RGS6: variants seen among roughly 807,000 people sequenced by gnomAD.
RGS6 encodes the protein regulator of G protein signaling 6.
In RGS6, 30 loss-of-function variants were observed where a neutral mutation model predicts 78.5. The observed-to-expected ratio is 0.38, with a 90% confidence interval of 0.29 to 0.52. RGS6 has a LOEUF of 0.52. Ranked by LOEUF, RGS6 falls within the 20% of genes least tolerant of loss-of-function variation. RGS6 has a pLI of 0.85. For synonymous variants in RGS6, 206 were observed against 206.0 expected, an observed-to-expected ratio of 1.00 and a Z score of 0.00; for missense variants, 495 against 609.7, an observed-to-expected ratio of 0.81 and a Z score of 1.98.
intron 2 of RGS6, among the ~76,000 whole-genome samples, chr14:72,329,439 G>A (rs1250598117): frequency 6.6e-6 from 1 of 152,230 alleles, no homozygotes; most frequent in Non-Finnish European, 1.5e-5. Context: ...CTGCTCAGAG[G>A]GAGTGGTTGT....
chr14:72,178,653 G>C (rs998334278), intron 2 of RGS6, among the ~76,000 whole-genome samples: 1 of 152,154 alleles, frequency 6.6e-6, no homozygotes, highest in African/African-American at 2.4e-5. Context: ...TGAAGAAAGG[G>C]AAGGGTTTTG....
At chr14:72,476,182 T>C (rs1245162126) in intron 10 of RGS6, among the ~76,000 whole-genome samples, 1 of 152,198 alleles carries the variant, frequency 6.6e-6, no homozygotes, top group Non-Finnish European at 1.5e-5. Flanking sequence ...GTGGAAAAAC[T>C]TAGGCCAGAA....
chr14:72,311,709 A>G (rs573865346), intron 2 of RGS6, among the ~76,000 whole-genome samples: 1 of 152,194 alleles, frequency 6.6e-6, no homozygotes, highest in African/African-American at 2.4e-5. Flanking sequence ...ACATTCTCAA[A>G]GTGCTCCATT....
chr14:72,499,732 C>T (rs928354103), intron 13 of RGS6, among the ~76,000 whole-genome samples: 7 of 151,976 alleles, frequency 4.6e-5, no homozygotes, highest in Middle Eastern at 3.4e-3. Context: ...CCTCGTTGGC[C>T]ACTTGTCCCC....
chr14:72,405,697 A>C (rs1193855479), intron 3 of RGS6, among the ~76,000 whole-genome samples: 1 of 152,226 alleles, frequency 6.6e-6, no homozygotes, highest in Non-Finnish European at 1.5e-5. Flanking sequence ...AGTTCACTGA[A>C]GCTCCCAACA....
chr14:72,110,518 G>A (rs1422043298), intron 2 of RGS6, among the ~76,000 whole-genome samples: 1 of 152,142 alleles, frequency 6.6e-6, no homozygotes, highest in Non-Finnish European at 1.5e-5. Context: ...TAATGGTCTT[G>A]TAGGAGGGAG....
intron 2 of RGS6, among the ~76,000 whole-genome samples, chr14:72,153,174 A>G (rs997281254): frequency 6.6e-6 from 1 of 152,122 alleles, no homozygotes; most frequent in African/African-American, 2.4e-5. Context: ...GGGAAACCCT[A>G]TACCTCACTG....
chr14:72,609,099 G>A, the RGS6 span, among the ~76,000 whole-genome samples: 1 of 152,198 alleles, frequency 6.6e-6, no homozygotes, highest in African/African-American at 2.4e-5. Context: ...CACTACGTGG[G>A]TAGTCAACAT....
At chr14:72,363,203 G>T (rs1165054481) in intron 3 of RGS6, among the ~76,000 whole-genome samples, 1 of 152,184 alleles carries the variant, frequency 6.6e-6, no homozygotes, top group East Asian at 1.9e-4. Context: ...TGCTCAGATG[G>T]ACTGCCGTCA....
intron 2 of RGS6, among the ~76,000 whole-genome samples, chr14:72,001,977 A>G (rs2083549924): frequency 7.3e-6 from 1 of 136,588 alleles, no homozygotes; most frequent in South Asian, 2.3e-4. Context: ...ATCTCAGCTC[A>G]CTGCAACCTT....
intron 3 of RGS6, among the ~76,000 whole-genome samples, chr14:72,367,880 AATG>A (rs1241673592): frequency 6.6e-6 from 1 of 152,138 alleles, no homozygotes; most frequent in Non-Finnish European, 1.5e-5. Flanking sequence ...GTTTGGATTA[AATG>A]ATATTTGTAG....
At chr14:72,434,923 T>C (rs908180396) in intron 3 of RGS6, among the ~76,000 whole-genome samples, 6 of 152,224 alleles carry the variant, frequency 3.9e-5, no homozygotes, top group Non-Finnish European at 5.9e-5. Context: ...AAAGAGAACA[T>C]AGATTCTTAG....
intron 3 of RGS6, among the ~76,000 whole-genome samples, chr14:72,354,391 T>A (rs2079790605): frequency 6.6e-6 from 1 of 150,608 alleles, no homozygotes; most frequent in African/African-American, 2.5e-5. Context: ...TTTGGGAGGC[T>A]GAGGTGGGTG....
intron 2 of RGS6, among the ~76,000 whole-genome samples, chr14:72,218,225 A>G (rs928148490): frequency 1.3e-5 from 2 of 152,124 alleles, no homozygotes; most frequent in African/African-American, 2.4e-5. Context: ...GTCAAAGGCT[A>G]TGTTCATTTT....
chr14:71,904,572 G>A, the RGS6 span, among the ~76,000 whole-genome samples: 6 of 152,192 alleles, frequency 3.9e-5, no homozygotes, highest in African/African-American at 1.2e-4. Flanking sequence ...ATGTTGTTTG[G>A]GCCTCTGAGT....
intron 3 of RGS6, among the ~76,000 whole-genome samples, chr14:72,440,503 C>G (rs894585785): frequency 6.6e-6 from 1 of 150,712 alleles, no homozygotes; most frequent in African/African-American, 2.4e-5. Context: ...CAGTCTGCCT[C>G]CCGGGTTCAA....
At chr14:72,309,064 A>AT (rs2152450137) in intron 2 of RGS6, among the ~76,000 whole-genome samples, 1 of 152,172 alleles carries the variant, frequency 6.6e-6, no homozygotes, top group African/African-American at 2.4e-5. Flanking sequence ...TTAAATTCCT[A>AT]TTTTTAGCTC....
At chr14:72,594,445 C>T in the RGS6 span, 1 of 152,196 alleles carries the variant, frequency 6.6e-6, no homozygotes, top group Non-Finnish European at 1.5e-5. Flanking sequence ...TGATTGCTTC[C>T]CCCAGCCTTC....
At chr14:71,882,001 G>A in the RGS6 span, among the ~76,000 whole-genome samples, 46,456 of 152,036 alleles carry the variant, frequency 0.31, 7,457 homozygotes, top group South Asian at 0.43. Flanking sequence ...GCAATTCAGT[G>A]GCATTAAGTA....
Sources: gnomAD v4.1 joint callset for allele counts (sites outside exome capture counted in the v4.1 genomes callset) on GRCh38, gnomAD v4.1.1 for gene constraint, MANE v1.5 for transcripts, NCBI Gene and HGNC (gene_info 2026-07-23, HGNC 2026-07-21) for gene names.